IGF2BP2: variants seen among roughly 807,000 people sequenced by gnomAD.
IGF2BP2 encodes insulin like growth factor 2 mRNA binding protein 2, also known as insulin-like growth factor 2 mRNA-binding protein 2.
A neutral mutation model predicts 75.8 loss-of-function variants in IGF2BP2; 17 were observed. That is an observed-to-expected ratio of 0.22 (90% CI 0.15 to 0.34). The LOEUF is 0.34. Ranked by LOEUF, IGF2BP2 falls within the 10% of genes least tolerant of loss-of-function variation. IGF2BP2 has a pLI of 1.00. For synonymous variants in IGF2BP2, 288 were observed against 295.6 expected, an observed-to-expected ratio of 0.97 and a Z score of 0.26; for missense variants, 516 against 772.4, an observed-to-expected ratio of 0.67 and a Z score of 3.93.
intron 12 of IGF2BP2, among the ~76,000 whole-genome samples, chr3:185,652,805 CAT>C (rs1488311371): frequency 1.3e-5 from 2 of 152,260 alleles, no homozygotes; most frequent in South Asian, 2.1e-4. Flanking sequence ...ATCTGTGAAA[CAT>C]AGGGGCTGGG....
intron 2 of IGF2BP2, among the ~76,000 whole-genome samples, chr3:185,779,420 AAAGGTC>A (rs1454112003): frequency 1.3e-5 from 2 of 152,182 alleles, no homozygotes; most frequent in Non-Finnish European, 2.9e-5. Flanking sequence ...ATCTAACTTT[AAAGGTC>A]AAGATGACTG....
intron 12 of IGF2BP2, among the ~76,000 whole-genome samples, chr3:185,653,867 T>C: frequency 6.6e-6 from 1 of 152,200 alleles, no homozygotes; most frequent in East Asian, 1.9e-4. Context: ...GAGAAAGATC[T>C]GTTTAGTGAA....
intron 14 of IGF2BP2, among the ~76,000 whole-genome samples, chr3:185,648,246 C>T (rs1330242661): frequency 7.9e-5 from 12 of 152,026 alleles, no homozygotes; most frequent in Admixed American, 2.0e-4. Flanking sequence ...CACCTGAGGT[C>T]GGGAGTTCGA....
chr3:185,665,456 A>AG lies in IGF2BP2; in HGVS notation c.1201-7048dup, dbSNP rs1418395277. ...GAGGAGGAGAAGGAGGAGGAGGAGG[A>AG]GAAGAAGAAGAAGAAGAAGGAGAAG... On this transcript the variant is annotated intron_variant, in intron 10 of 15. Coordinates refer to ENST00000382199, the MANE Select transcript of IGF2BP2 (RefSeq NM_006548.6). Among the ~76,000 whole-genome samples the AG allele has an allele frequency of 4.2e-4, 43 of 101,498 alleles. 4 individuals carry two copies. Among genetic ancestry groups the AG allele is most frequent in the Non-Finnish European group, 6.8e-4 (33 of 48,350 alleles). The allele number at this position is 101,498 out of a possible 152,430, so 66.6% of individuals were successfully genotyped here.
intron 15 of IGF2BP2, 89 bp downstream of exon 15, chr3:185,646,936 G>T: frequency 1.1e-6 from 1 of 948,976 alleles, no homozygotes. Context: ...TGATGCTCAG[G>T]GCCTGTGGCC....
intron 2 of IGF2BP2, among the ~76,000 whole-genome samples, chr3:185,811,830 G>GTCTCTCTCTCTCTCTCTCTCTCTCTC (rs58208457): frequency 1.2e-4 from 14 of 120,802 alleles, no homozygotes; most frequent in Non-Finnish European, 2.1e-4. Context: ...AGAGTAGGGT[G>GTCTCTCTCTCTCTCTCTCTCTCTCTC]TCTCTCTCTC....
intron 2 of IGF2BP2, among the ~76,000 whole-genome samples, chr3:185,704,543 C>T (rs573145911): frequency 1.4e-4 from 21 of 152,266 alleles, no homozygotes; most frequent in African/African-American, 4.1e-4. Context: ...TTGACCTCCC[C>T]GGCCCAAGTG....
chr3:185,792,498 A>T (rs1310580262), intron 2 of IGF2BP2, among the ~76,000 whole-genome samples: 1 of 151,588 alleles, frequency 6.6e-6, no homozygotes, highest in Non-Finnish European at 1.5e-5. Flanking sequence ...AGGCGCAGTG[A>T]CTCATGCCTG....
chr3:185,789,085 T>G (rs1284411128), intron 2 of IGF2BP2, among the ~76,000 whole-genome samples: 1 of 152,050 alleles, frequency 6.6e-6, no homozygotes, highest in Non-Finnish European at 1.5e-5. Flanking sequence ...CACAGGCCAC[T>G]GCGAATATTC....
chr3:185,699,853 G>T lies in IGF2BP2; in HGVS notation c.240-1506C>A, dbSNP rs16860184. On this transcript the variant is annotated intron_variant, in intron 2 of 15. Transcript: ENST00000382199. ...AGGCTTTCCCCAAGACATCCTGCTG[G>T]TCTGAAAGCTTTGAATGACTTAGAT... Among the ~76,000 whole-genome samples the T allele has an allele frequency of 8.0e-3, 1,213 of 152,230 alleles. 70 individuals carry two copies. The East Asian group carries it at 0.16, about 21-fold the overall frequency.
chr3:185,716,726 G>A (rs750961753), intron 2 of IGF2BP2: 2 of 520,088 alleles, frequency 3.8e-6, no homozygotes, highest in Non-Finnish European at 7.7e-6. Flanking sequence ...AGCCAACCCT[G>A]TCAGCGCTGG....
chr3:185,765,615 T>C (rs1211060064), intron 2 of IGF2BP2, among the ~76,000 whole-genome samples: 2 of 152,178 alleles, frequency 1.3e-5, no homozygotes, highest in African/African-American at 4.8e-5. Context: ...GAAAGGTCCA[T>C]CTATTAATAC....
chr3:185,668,661 AT>A (rs1249427323), intron 10 of IGF2BP2, among the ~76,000 whole-genome samples: 1 of 151,416 alleles, frequency 6.6e-6, no homozygotes, highest in Non-Finnish European at 1.5e-5. Flanking sequence ...TATTTATGAC[AT>A]AAGACACCAC....
intron 15 of IGF2BP2, among the ~76,000 whole-genome samples, chr3:185,646,147 C>G (rs946164829): frequency 6.6e-5 from 10 of 152,212 alleles, no homozygotes; most frequent in African/African-American, 2.4e-4. Flanking sequence ...CCTGTAGGAA[C>G]AGGCTGTTCA....
intron 2 of IGF2BP2, among the ~76,000 whole-genome samples, chr3:185,739,593 C>T (rs977862919): frequency 3.9e-5 from 6 of 152,006 alleles, no homozygotes; most frequent in African/African-American, 1.5e-4. Context: ...GATGCTGTCC[C>T]GTGATGAGGA....
intron 2 of IGF2BP2, among the ~76,000 whole-genome samples, chr3:185,769,126 T>C (rs754686420): frequency 6.6e-6 from 1 of 152,090 alleles, no homozygotes; most frequent in African/African-American, 2.4e-5. Flanking sequence ...GAGAATCACT[T>C]GAGGCCAGGC....
intron 2 of IGF2BP2, chr3:185,717,079 CA>C (rs1725752249): frequency 3.6e-6 from 1 of 274,822 alleles, no homozygotes; most frequent in African/African-American, 2.2e-5. Context: ...TTGGTCATTT[CA>C]GATCATCTGA....
intron 2 of IGF2BP2, among the ~76,000 whole-genome samples, chr3:185,703,419 T>C (rs1183064998): frequency 1.3e-5 from 2 of 152,168 alleles, no homozygotes; most frequent in African/African-American, 4.8e-5. Flanking sequence ...TAGAATTTGT[T>C]GCTTAAAGTA....
chr3:185,766,217 A>C (rs1431334867), intron 2 of IGF2BP2, among the ~76,000 whole-genome samples: 4 of 152,244 alleles, frequency 2.6e-5, no homozygotes, highest in African/African-American at 9.6e-5. Flanking sequence ...AATAGCAATA[A>C]AACTATTTAG....
Sources: allele counts gnomAD v4.1 joint callset (sites outside exome capture counted in the v4.1 genomes callset), GRCh38; gene constraint gnomAD v4.1.1; transcripts MANE v1.5; gene names NCBI Gene and HGNC (gene_info 2026-07-23, HGNC 2026-07-21).